Variants in UBE2H observed in about 807,000 individuals in gnomAD.
UBE2H encodes ubiquitin-conjugating enzyme E2 H.
A neutral mutation model predicts 29.0 loss-of-function variants in UBE2H; 3 were observed. The observed-to-expected ratio is 0.10, with a 90% CI of 0.05 to 0.27. The LOEUF (loss-of-function observed/expected upper bound fraction) is 0.27, where lower values mean the gene tolerates loss of function less well. Ranked by LOEUF, UBE2H falls within the 10% of genes least tolerant of loss-of-function variation. UBE2H has a pLI of 1.00. For synonymous variants in UBE2H, 69 were observed against 82.9 expected (o/e 0.83, Z 0.91); for missense variants, 68 against 228.2 (o/e 0.30, Z 4.52).
intron 3 of UBE2H, among the ~76,000 whole-genome samples, chr7:129,866,484 CCA>C (rs1805906607): frequency 6.6e-6 from 1 of 152,100 alleles, no homozygotes; most frequent in Non-Finnish European, 1.5e-5. Flanking sequence ...GTTCATATAA[CCA>C]CACTGTTGGG....
At chr7:129,929,071 C>G (rs1442540245) in intron 1 of UBE2H, among the ~76,000 whole-genome samples, 2 of 152,152 alleles carry the variant, frequency 1.3e-5, no homozygotes, top group African/African-American at 4.8e-5. Flanking sequence ...GTAATCCCAG[C>G]ACTTTGGGAG....
At chr7:129,910,833 G>C (rs1293646507) in intron 1 of UBE2H, among the ~76,000 whole-genome samples, 1 of 152,146 alleles carries the variant, frequency 6.6e-6, no homozygotes, top group Non-Finnish European at 1.5e-5. Flanking sequence ...AGTGAGCAGA[G>C]AGCACACCAC....
intron 3 of UBE2H, among the ~76,000 whole-genome samples, chr7:129,873,102 T>TC (rs1481638685): frequency 6.7e-6 from 1 of 149,298 alleles, no homozygotes; most frequent in Non-Finnish European, 1.5e-5. Flanking sequence ...TCATGCAAGC[T>TC]CCGCCTCCCG....
At chr7:129,855,965 G>T (rs1805698229) in intron 5 of UBE2H, among the ~76,000 whole-genome samples, 1 of 152,174 alleles carries the variant, frequency 6.6e-6, no homozygotes, top group African/African-American at 2.4e-5. Flanking sequence ...ATGGAGGGGT[G>T]TGATTTCAGA....
intron 1 of UBE2H, among the ~76,000 whole-genome samples, chr7:129,909,448 G>C (rs1014628558): frequency 6.6e-6 from 1 of 152,122 alleles, no homozygotes; most frequent in Non-Finnish European, 1.5e-5. Flanking sequence ...ACAAGGGGAC[G>C]GTTCAGAGCC....
At chr7:129,928,607 AT>A (rs1462964971) in intron 1 of UBE2H, among the ~76,000 whole-genome samples, 1 of 152,244 alleles carries the variant, frequency 6.6e-6, no homozygotes, top group Non-Finnish European at 1.5e-5. Flanking sequence ...CGTCTCAAAA[AT>A]AAATAAATAA....
chr7:129,878,587 G>A (rs1322531677), intron 3 of UBE2H, among the ~76,000 whole-genome samples: 3 of 151,274 alleles, frequency 2.0e-5, no homozygotes, highest in Non-Finnish European at 4.4e-5. Flanking sequence ...GGAGGCTGAG[G>A]CAGAAGAATG....
chr7:129,838,793 C>A (rs1805375419), intron 6 of UBE2H, among the ~76,000 whole-genome samples: 2 of 152,126 alleles, frequency 1.3e-5, no homozygotes, highest in South Asian at 4.2e-4. Flanking sequence ...CGCGTGCCAC[C>A]ACACCAGGCT....
intron 1 of UBE2H, among the ~76,000 whole-genome samples, chr7:129,896,718 C>T (rs1006017688): frequency 5.9e-5 from 9 of 152,060 alleles, no homozygotes; most frequent in African/African-American, 2.2e-4. Flanking sequence ...TTCTGTTTTT[C>T]CATTTTAAAT....
chr7:129,886,271 C>T (rs118027943), intron 1 of UBE2H, among the ~76,000 whole-genome samples: 1,985 of 152,200 alleles, frequency 0.013, 12 homozygotes, highest in Non-Finnish European at 0.021. Flanking sequence ...TTCCCAAGAA[C>T]CCAAGTCCAT....
rs551732552 is a variant in UBE2H, at chr7:129,868,379, G to A, written c.206-9438C>T. Among the ~76,000 whole-genome samples, 15 of 151,858 alleles carry A rather than the reference G, an allele frequency of 9.9e-5. No individual in the cohort carries two copies. In the South Asian group the frequency reaches 2.3e-3, roughly 23 times the overall value. On this transcript the variant is annotated intron_variant, in intron 3 of 6. Transcript: ENST00000355621. ...GTGGATCATGAGGTCAGGAGATCGA[G>A]ACCATCCTGGCTAACAAGGTGAAAC...
At chr7:129,932,798 G>A (rs998446962) in intron 1 of UBE2H, among the ~76,000 whole-genome samples, 1,311 of 99,850 alleles carry the variant, frequency 0.013, 9 homozygotes, top group Non-Finnish European at 0.019. Flanking sequence ...AAAAAAAAAA[G>A]TCCTGTCAGA....
At chr7:129,839,767 G>A (rs1197233676) in intron 5 of UBE2H, 2 of 208,492 alleles carry the variant, frequency 9.6e-6, no homozygotes, top group African/African-American at 4.8e-5. Context: ...CTGGAGTGCA[G>A]TGGTGCAATC....
At chr7:129,873,261 C>A (rs886893985) in intron 3 of UBE2H, among the ~76,000 whole-genome samples, 1 of 151,816 alleles carries the variant, frequency 6.6e-6, no homozygotes, top group African/African-American at 2.4e-5. Context: ...CCTCGTGATC[C>A]ACCCGCCTCA....
chr7:129,899,509 G>A (rs935407449), intron 1 of UBE2H, among the ~76,000 whole-genome samples: 2 of 152,250 alleles, frequency 1.3e-5, no homozygotes, highest in East Asian at 3.9e-4. Context: ...CCCTGGCTAG[G>A]TGACCCATGG....
chr7:129,952,465 C>T (rs755757074), intron 1 of UBE2H, 38 bp downstream of exon 1: 9 of 1,606,294 alleles, frequency 5.6e-6, no homozygotes, highest in Middle Eastern at 1.7e-4. Flanking sequence ...CCACACCGCC[C>T]CCCACACACA....
At chr7:129,927,151 T>G (rs1584790895) in intron 1 of UBE2H, among the ~76,000 whole-genome samples, 1 of 152,216 alleles carries the variant, frequency 6.6e-6, no homozygotes, top group African/African-American at 2.4e-5. Flanking sequence ...CTCCATGTAA[T>G]GGTCCTATTA....
chr7:129,946,926 A>G (rs1028854664), intron 1 of UBE2H, among the ~76,000 whole-genome samples: 1 of 152,236 alleles, frequency 6.6e-6, no homozygotes, highest in Non-Finnish European at 1.5e-5. Flanking sequence ...TCTGGATTAC[A>G]TGCCTAAAAA....
chr7:129,837,065 C>A (rs905414257), intron 6 of UBE2H, among the ~76,000 whole-genome samples: 17 of 152,116 alleles, frequency 1.1e-4, no homozygotes, highest in Non-Finnish European at 2.1e-4. Context: ...TATTTAAACA[C>A]TTTTTCAAAC....
Sources: allele counts gnomAD v4.1 joint callset (sites outside exome capture counted in the v4.1 genomes callset), GRCh38; gene constraint gnomAD v4.1.1; transcripts MANE v1.5; gene names NCBI Gene and HGNC (gene_info 2026-07-23, HGNC 2026-07-21).